ADIPOR2: variants seen among roughly 807,000 people sequenced by gnomAD.
ADIPOR2 encodes adiponectin receptor 2.
A neutral mutation model predicts 40.9 loss-of-function variants in ADIPOR2; 18 were observed. The ratio of observed to expected loss-of-function variants is 0.44; its 90% CI spans 0.30 to 0.65. ADIPOR2 has a LOEUF of 0.65. Ranked by LOEUF, ADIPOR2 falls within the 30% of genes least tolerant of loss-of-function variation. The pLI is 0.09. For missense variants in ADIPOR2, 283 were observed against 479.2 expected (o/e 0.59, Z 3.82); for synonymous variants, 165 against 166.4 (o/e 0.99, Z 0.06).
intron 2 of ADIPOR2, among the ~76,000 whole-genome samples, chr12:1,765,776 T>C (rs1367158153): frequency 6.6e-6 from 1 of 152,198 alleles, no homozygotes; most frequent in African/African-American, 2.4e-5. Context: ...AGTGCTTTCT[T>C]CTTTATTGGA....
At chr12:1,736,428 A>G (rs1373888688) in intron 1 of ADIPOR2, among the ~76,000 whole-genome samples, 1 of 152,116 alleles carries the variant, frequency 6.6e-6, no homozygotes, top group Non-Finnish European at 1.5e-5. Context: ...TTTCTGTGGG[A>G]TTGGTGGTAT....
At chr12:1,767,796 C>T (rs970469801) in intron 2 of ADIPOR2, among the ~76,000 whole-genome samples, 28 of 151,978 alleles carry the variant, frequency 1.8e-4, no homozygotes, top group African/African-American at 6.8e-4. Context: ...TTTACTTGGC[C>T]CTGTTCTGAG....
chr12:1,753,141 C>A (rs561848036), intron 1 of ADIPOR2, among the ~76,000 whole-genome samples: 2 of 152,320 alleles, frequency 1.3e-5, no homozygotes, highest in African/African-American at 4.8e-5. Flanking sequence ...TTTATGGTAT[C>A]TGGGTTCTCC....
At chr12:1,734,491 A>G (rs991729737) in intron 1 of ADIPOR2, among the ~76,000 whole-genome samples, 1 of 151,914 alleles carries the variant, frequency 6.6e-6, no homozygotes, top group Non-Finnish European at 1.5e-5. Context: ...GTTTGAGTTC[A>G]TTGTAGATTC....
rs1419931765 is a variant in ADIPOR2, at chr12:1,777,408, C to G, written c.292-446C>G. The stretch of plus-strand genomic sequence containing the variant: ...TTTTTTTTTTTTTTTTTTTTTGAGG[C>G]AGAGTTTTGCTCTTGTTGCCCAGGC... On this transcript the variant is annotated intron_variant, in intron 3 of 7. Transcript: ENST00000357103. 4.5e-3 allele frequency among the ~76,000 whole-genome samples: 438 copies of G among 98,264 alleles called. 2 individuals are homozygous for G. Among genetic ancestry groups the G allele is most frequent in the African/African-American group, 0.015 (417 of 27,038 alleles). The allele number at this position is 98,264 out of a possible 152,430, so 64.5% of individuals were successfully genotyped here.
chr12:1,784,087 G>T lies in ADIPOR2; in HGVS notation c.1032+14G>T. 6.4e-7 allele frequency: 1 copy of T among 1,561,340 alleles called. No homozygotes were observed. Among genetic ancestry groups the T allele is most frequent in the Non-Finnish European group, 8.7e-7 (1 of 1,149,474 alleles). ...TGTGACATCTGGGTAAGTATGTCGGGGTGACTGAGTGTGTAGGTATCTGCT... is the reference window on the plus strand; with the variant it reads ...TGTGACATCTGGGTAAGTATGTCGGTGTGACTGAGTGTGTAGGTATCTGCT... On this transcript the variant is annotated intron_variant, in intron 7 of 7. Transcript: ENST00000357103.
intron 1 of ADIPOR2, among the ~76,000 whole-genome samples, chr12:1,744,837 C>G (rs1438221060): frequency 2.6e-5 from 4 of 152,172 alleles, no homozygotes; most frequent in Admixed American, 1.3e-4. Context: ...AAACTTTATT[C>G]TCAATATAAG....
chr12:1,746,658 C>G (rs11061962), intron 1 of ADIPOR2, among the ~76,000 whole-genome samples: 41,425 of 152,048 alleles, frequency 0.27, 6,276 homozygotes, highest in Admixed American at 0.44. Flanking sequence ...ACAGACAGAT[C>G]TAAAATAATA....
At chr12:1,725,499 A>G (rs2094706143) in intron 1 of ADIPOR2, among the ~76,000 whole-genome samples, 1 of 152,236 alleles carries the variant, frequency 6.6e-6, no homozygotes, top group Admixed American at 6.5e-5. Context: ...ATGCTATTAC[A>G]TTACAGTAAA....
In ADIPOR2 at chr12:1,780,946, T is replaced by C; in HGVS notation, c.708T>C (p.Tyr236=). The C allele has an allele frequency of 1.9e-6, 3 of 1,613,884 alleles. No individual in the cohort carries two copies. Among genetic ancestry groups the C allele is most frequent in the Non-Finnish European group, 2.5e-6 (3 of 1,179,928 alleles). The change falls in exon 6 of 8, where the codon TAT becomes TAC. Residue 236 remains tyrosine (Y), a synonymous_variant. Coordinates refer to ENST00000357103, the MANE Select transcript of ADIPOR2 (RefSeq NM_024551.3). ...LIMGSFVPWL[Y]YSFYCNPQPC... is the part of the protein sequence containing the mutation. The stretch of plus-strand genomic sequence containing the variant: ...TGGGAAGTTTTGTTCCTTGGCTTTA[T>C]TATTCTTTCTACTGTAATCCACAAC...
chr12:1,773,900 G>A (rs1862536514), intron 3 of ADIPOR2, among the ~76,000 whole-genome samples: 1 of 152,118 alleles, frequency 6.6e-6, no homozygotes, highest in Admixed American at 6.5e-5. Flanking sequence ...TTTGGACCAG[G>A]GTATGAAAAG....
At chr12:1,724,276 C>G (rs149641625) in intron 1 of ADIPOR2, among the ~76,000 whole-genome samples, 1 of 152,132 alleles carries the variant, frequency 6.6e-6, no homozygotes, top group Non-Finnish European at 1.5e-5. Flanking sequence ...CCACCGCACC[C>G]GGCCACAAAG....
Position 1,786,353 on chromosome 12 carries a change from C to T in ADIPOR2, c.*281C>T. 2 of 346,144 alleles carry T rather than the reference C, an allele frequency of 5.8e-6. No individual in the cohort carries two copies. Among genetic ancestry groups the T allele is most frequent in the East Asian group, 4.8e-5 (1 of 20,940 alleles). 21.4% of individuals were successfully genotyped at this position (346,144 alleles called of 1,614,324 possible). A position where few individuals can be genotyped will look rare whatever the true frequency, so the allele number is the denominator to read the frequency against. On this transcript the variant is annotated 3_prime_UTR_variant, in exon 8 of 8. Coordinates refer to ENST00000357103, the MANE Select transcript of ADIPOR2 (RefSeq NM_024551.3). ...TACTGATTGCGGGCTCTGCAAGACC[C>T]TTGGCAAACTGGCTTCTGATCCATA...
intron 1 of ADIPOR2, chr12:1,702,827 G>A (rs185951518): frequency 1.3e-5 from 2 of 152,222 alleles, no homozygotes; most frequent in Admixed American, 6.5e-5. Context: ...GAAACCTGGG[G>A]TGATCACTCT....
chr12:1,725,296 A>G (rs1331355746), intron 1 of ADIPOR2, among the ~76,000 whole-genome samples: 1 of 150,782 alleles, frequency 6.6e-6, no homozygotes, highest in East Asian at 2.0e-4. Context: ...TAATTTTTGT[A>G]TAGTAGAGAC....
intron 1 of ADIPOR2, among the ~76,000 whole-genome samples, chr12:1,744,097 T>C (rs1466792628): frequency 6.8e-6 from 1 of 147,122 alleles, no homozygotes; most frequent in Non-Finnish European, 1.5e-5. Flanking sequence ...GCTTGAAAAG[T>C]CTTTTTTTTT....
chr12:1,725,833 C>G (rs1277698021), intron 1 of ADIPOR2, among the ~76,000 whole-genome samples: 1 of 152,104 alleles, frequency 6.6e-6, no homozygotes, highest in East Asian at 1.9e-4. Flanking sequence ...TATGAAGATA[C>G]AGTAGAAATG....
chr12:1,731,816 C>CG (rs2094720917), intron 1 of ADIPOR2, among the ~76,000 whole-genome samples: 1 of 152,024 alleles, frequency 6.6e-6, no homozygotes, highest in Non-Finnish European at 1.5e-5. Flanking sequence ...AAAAATTAGC[C>CG]GGGCGTGGTG....
At chr12:1,691,911 G>A (rs1053203547) in intron 1 of ADIPOR2, among the ~76,000 whole-genome samples, 1 of 152,096 alleles carries the variant, frequency 6.6e-6, no homozygotes, top group Non-Finnish European at 1.5e-5. Flanking sequence ...TCATAAGATG[G>A]TCCAAAAGTG....
Sources: allele counts gnomAD v4.1 joint callset (sites outside exome capture counted in the v4.1 genomes callset), GRCh38; gene constraint gnomAD v4.1.1; transcripts MANE v1.5; gene names NCBI Gene and HGNC (gene_info 2026-07-23, HGNC 2026-07-21).